IFNGR2: variants seen among roughly 807,000 people sequenced by gnomAD.
IFNGR2 encodes the protein IFN-gamma receptor 2.
A neutral mutation model predicts 41.1 loss-of-function variants in IFNGR2; 15 were observed. The observed-to-expected ratio is 0.37, with a 90% CI of 0.24 to 0.56. IFNGR2 has a LOEUF of 0.56. IFNGR2 is among the 20% of genes least tolerant of loss of function. The pLI is 0.81. For missense variants in IFNGR2, 362 were observed against 415.7 expected, an observed-to-expected ratio of 0.87 and a Z score of 1.12; for synonymous variants, 161 against 171.6, an observed-to-expected ratio of 0.94 and a Z score of 0.48.
At chr21:33,413,788 G>C (rs915273739) in intron 1 of IFNGR2, among the ~76,000 whole-genome samples, 2 of 151,434 alleles carry the variant, frequency 1.3e-5, no homozygotes, top group African/African-American at 4.9e-5. Flanking sequence ...TGGTGTTTCC[G>C]GGGGAGTATA....
At chr21:33,416,123 A>G (rs2083751384) in intron 2 of IFNGR2, among the ~76,000 whole-genome samples, 1 of 152,134 alleles carries the variant, frequency 6.6e-6, no homozygotes, top group Non-Finnish European at 1.5e-5. Flanking sequence ...GGGCCTCCCA[A>G]AGTGCTGGGA....
intron 2 of IFNGR2, 38 bp from the exon 3 acceptor site, chr21:33,421,442 G>C: frequency 6.5e-7 from 1 of 1,534,932 alleles, no homozygotes; most frequent in South Asian, 1.1e-5. Flanking sequence ...ACATGAAACA[G>C]AGAATTCTGT....
Position 33,421,548 on chromosome 21 carries a change from CAG to C in IFNGR2, c.278_279del (p.Glu93ValfsTer2), listed in dbSNP as rs587776822. On this transcript the variant is annotated frameshift_variant, in exon 3 of 7. Coordinates refer to ENST00000290219, the MANE Select transcript of IFNGR2 (RefSeq NM_005534.4). LOFTEE classifies it high-confidence loss of function. ...GTGAATTGTACACAGATCACAGCAA[CAG>C]AGTGTGACTTCACTGCCGCCAGTCC... 1 of 1,614,064 alleles carries C rather than the reference CAG, an allele frequency of 6.2e-7. No homozygotes were observed. The highest frequency in any genetic ancestry group is 8.5e-7 in the Non-Finnish European group (1 of 1,179,960).
At chr21:33,407,851 C>CT (rs973188989) in intron 1 of IFNGR2, among the ~76,000 whole-genome samples, 2 of 141,946 alleles carry the variant, frequency 1.4e-5, no homozygotes, top group African/African-American at 2.6e-5. Flanking sequence ...ACCGCACCCC[C>CT]CCCCGCCAAC....
intron 1 of IFNGR2, among the ~76,000 whole-genome samples, chr21:33,409,182 AAAG>A: frequency 1.4e-5 from 2 of 141,234 alleles, no homozygotes; most frequent in Middle Eastern, 4.4e-3. Context: ...CTCAAAAAAA[AAAG>A]AGGCCGGGCT....
At chr21:33,420,548 G>A (rs1022237274) in intron 2 of IFNGR2, among the ~76,000 whole-genome samples, 16 of 152,136 alleles carry the variant, frequency 1.1e-4, no homozygotes, top group Admixed American at 3.3e-4. Context: ...AAGAAACTCC[G>A]CACCAGCAGG....
intron 1 of IFNGR2, among the ~76,000 whole-genome samples, chr21:33,409,410 A>C (rs1404760595): frequency 6.6e-6 from 1 of 152,188 alleles, no homozygotes; most frequent in Admixed American, 6.5e-5. Context: ...TGGAGGTTGC[A>C]GTAAGCCGAG....
intron 3 of IFNGR2, among the ~76,000 whole-genome samples, chr21:33,425,178 C>G (rs1399649781): frequency 6.6e-6 from 1 of 152,138 alleles, no homozygotes; most frequent in Admixed American, 6.5e-5. Flanking sequence ...CCTCAGCCTC[C>G]CAAAGTGCTG....
Position 33,437,094 on chromosome 21 carries a change from TGA to T in IFNGR2, c.*137_*138del, listed in dbSNP as rs2123385424. ...TCTAAAAGGCCTGTCCCTGCAGACA[TGA>T]GAGACAGCAGGTCTCATGGGGGTGA... On this transcript the variant is annotated 3_prime_UTR_variant, in exon 7 of 7. Coordinates refer to ENST00000290219, the MANE Select transcript of IFNGR2 (RefSeq NM_005534.4). 5 of 835,172 alleles carry T rather than the reference TGA, an allele frequency of 6.0e-6. No homozygotes were observed. In the Admixed American group the frequency reaches 1.1e-4, roughly 18 times the overall value. 51.7% of individuals were successfully genotyped at this position (835,172 alleles called of 1,614,324 possible). A position where few individuals can be genotyped will look rare whatever the true frequency, so the allele number is the denominator to read the frequency against.
chr21:33,426,206 A>G (rs2083834418), intron 3 of IFNGR2, among the ~76,000 whole-genome samples: 1 of 151,994 alleles, frequency 6.6e-6, no homozygotes, highest in Non-Finnish European at 1.5e-5. Context: ...TGAGGTCAGG[A>G]GTTTGAAACC....
intron 4 of IFNGR2, among the ~76,000 whole-genome samples, chr21:33,431,151 G>A (rs1225408751): frequency 6.6e-6 from 1 of 152,202 alleles, no homozygotes; most frequent in Non-Finnish European, 1.5e-5. Context: ...CATTTTAGCT[G>A]AAACTATAGG....
intron 2 of IFNGR2, among the ~76,000 whole-genome samples, chr21:33,418,554 T>C (rs2083769343): frequency 6.6e-6 from 1 of 152,222 alleles, no homozygotes; most frequent in South Asian, 2.1e-4. Context: ...GTTTTGAGGC[T>C]TGTGAGACTT....
At chr21:33,410,339 A>G (rs1273253840) in intron 1 of IFNGR2, among the ~76,000 whole-genome samples, 19 of 150,024 alleles carry the variant, frequency 1.3e-4, no homozygotes, top group African/African-American at 4.7e-4. Context: ...GCTAATTTTT[A>G]TATTTTTAGT....
chr21:33,437,001 G>T lies in IFNGR2; in HGVS notation c.*39G>T, dbSNP rs574166519. 2 of 1,611,412 alleles carry T rather than the reference G, an allele frequency of 1.2e-6. No homozygotes were observed. Among genetic ancestry groups the T allele is most frequent in the Non-Finnish European group, 1.7e-6 (2 of 1,177,958 alleles). On this transcript the variant is annotated 3_prime_UTR_variant, in exon 7 of 7. Coordinates refer to ENST00000290219, the MANE Select transcript of IFNGR2 (RefSeq NM_005534.4). The stretch of plus-strand genomic sequence containing the variant: ...CCTAGCCCACTGGCTCCCTGGAAGA[G>T]ATCAAGCCATCGGAGCTGCTAGAGT...
chr21:33,411,027 A>C lies in IFNGR2; in HGVS notation c.74-3861A>C, dbSNP rs919258558. The C allele has an allele frequency of 2.9e-5, 20 of 688,418 alleles. No individual in the cohort carries two copies. In the Admixed American group the frequency reaches 4.5e-4, roughly 16 times the overall value. The allele number at this position is 688,418 out of a possible 1,614,324, so 42.6% of individuals were successfully genotyped here. The stretch of plus-strand genomic sequence containing the variant: ...CTGGAACACAGAGGCTGGGCTGCCC[A>C]AGGACAGGCCCCCTGGCCTACAAAA... On this transcript the variant is annotated intron_variant, in intron 1 of 6. Transcript: ENST00000290219.
intron 2 of IFNGR2, 23 bp downstream of exon 2, chr21:33,415,043 T>A: frequency 6.2e-7 from 1 of 1,613,798 alleles, no homozygotes. Flanking sequence ...TTCTGTTGGA[T>A]CCTTGCTGGG....
intron 4 of IFNGR2, 57 bp from the exon 5 acceptor site, chr21:33,432,120 A>G: frequency 6.8e-7 from 1 of 1,481,230 alleles, no homozygotes; most frequent in East Asian, 2.3e-5. Context: ...ATCAGAAAAG[A>G]TGTAGGCAGC....
chr21:33,423,762 G>A (rs1414605731), intron 3 of IFNGR2, among the ~76,000 whole-genome samples: 1 of 151,960 alleles, frequency 6.6e-6, no homozygotes, highest in East Asian at 1.9e-4. Flanking sequence ...GGAGGCTGAG[G>A]TGGGAGGATC....
intron 1 of IFNGR2, among the ~76,000 whole-genome samples, chr21:33,414,309 C>A (rs917978572): frequency 6.6e-6 from 1 of 152,120 alleles, no homozygotes; most frequent in Non-Finnish European, 1.5e-5. Context: ...TCCTTGCCCT[C>A]CCCTGCAGCT....
Sources: allele counts gnomAD v4.1 joint callset (sites outside exome capture counted in the v4.1 genomes callset), GRCh38; gene constraint gnomAD v4.1.1; transcripts MANE v1.5; gene names NCBI Gene and HGNC (gene_info 2026-07-23, HGNC 2026-07-21).